BRI3BP: variants seen among roughly 807,000 people sequenced by gnomAD.
The protein encoded by BRI3BP is BRI3 binding protein.
A neutral mutation model predicts 15.8 loss-of-function variants in BRI3BP; 7 were observed. The ratio of observed to expected loss-of-function variants is 0.44; its 90% CI spans 0.25 to 0.83. The LOEUF (loss-of-function observed/expected upper bound fraction) is 0.83, where lower values mean the gene tolerates loss of function less well. Among genes scored for constraint, BRI3BP ranks in the 40% least tolerant of loss-of-function variants. The pLI, the probability that BRI3BP is intolerant of heterozygous loss-of-function variation, is 0.20. For missense variants in BRI3BP, 320 were observed against 339.3 expected (o/e 0.94, Z 0.45); for synonymous variants, 192 against 163.5 (o/e 1.17, Z -1.33).
chr12:125,023,380 C>G (rs1955317725), intron 2 of BRI3BP, among the ~76,000 whole-genome samples: 1 of 152,108 alleles, frequency 6.6e-6, no homozygotes, highest in Non-Finnish European at 1.5e-5. Context: ...ATTCCTGCTA[C>G]TTTTAGGGAA....
At chr12:125,008,817 G>A (rs189317429) in intron 1 of BRI3BP, among the ~76,000 whole-genome samples, 116 of 152,226 alleles carry the variant, frequency 7.6e-4, no homozygotes, top group Non-Finnish European at 1.2e-3. Flanking sequence ...TGTAGAATCA[G>A]TGGGAGCACT....
intron 2 of BRI3BP, among the ~76,000 whole-genome samples, chr12:125,013,160 T>G (rs1955211347): frequency 7.2e-6 from 1 of 138,062 alleles, no homozygotes; most frequent in Non-Finnish European, 1.6e-5. Flanking sequence ...AAGGTGCGAC[T>G]GGGTAGTGGG....
Position 124,993,884 on chromosome 12 carries a change from G to T in BRI3BP, c.94G>T (p.Ala32Ser). The change falls in exon 1 of 3, where the codon GCG becomes TCG. Residue 32 changes from alanine (A) to serine (S), a missense_variant. Coordinates refer to ENST00000341446, the MANE Select transcript of BRI3BP (RefSeq NM_080626.6). ...GCTGCTCGGGCTGCTGGCCCCGGGC[G>T]CGCAGGGGGCGCGGGGCCGCGGCGG... Reference protein sequence around the residue: ...LLLLGLLAPGAQGARGRGGAE... With the variant: ...LLLLGLLAPGSQGARGRGGAE... 8.0e-7 allele frequency: 1 copy of T among 1,242,714 alleles called. No homozygotes were observed. Among genetic ancestry groups the T allele is most frequent in the Non-Finnish European group, 1.0e-6 (1 of 987,122 alleles). 77.0% of individuals were successfully genotyped at this position (1,242,714 alleles called of 1,614,324 possible). A position where few individuals can be genotyped will look rare whatever the true frequency, so the allele number is the denominator to read the frequency against.
At chr12:125,041,493 G>A in the BRI3BP span, among the ~76,000 whole-genome samples, 1 of 152,058 alleles carries the variant, frequency 6.6e-6, no homozygotes, top group Non-Finnish European at 1.5e-5. Context: ...GGGGTCCTCA[G>A]TAAGTTTCAG....
At chr12:125,043,284 C>G in the BRI3BP span, among the ~76,000 whole-genome samples, 1 of 152,126 alleles carries the variant, frequency 6.6e-6, no homozygotes, top group Non-Finnish European at 1.5e-5. Flanking sequence ...AGCGTGCAGG[C>G]TCATGTAGTG....
At chr12:125,012,213 T>C (rs10846806) in intron 1 of BRI3BP, among the ~76,000 whole-genome samples, 21,060 of 151,976 alleles carry the variant, frequency 0.14, 1,562 homozygotes, top group Admixed American at 0.16. Context: ...AAGGCAGAGA[T>C]CCTGACCCAA....
chr12:125,045,107 A>C, the BRI3BP span, among the ~76,000 whole-genome samples: 1 of 152,164 alleles, frequency 6.6e-6, no homozygotes, highest in African/African-American at 2.4e-5. Flanking sequence ...ATATTGATTA[A>C]ATCATAAAAC....
chr12:125,031,403 G>A (rs1318499594), downstream of BRI3BP, among the ~76,000 whole-genome samples: 1 of 151,990 alleles, frequency 6.6e-6, no homozygotes, highest in Non-Finnish European at 1.5e-5. Context: ...AACCAGTAGT[G>A]TTTTAGTATA....
Position 124,993,989 on chromosome 12 carries a change from C to T in BRI3BP, c.199C>T (p.Arg67Cys). 1.5e-6 allele frequency: 2 copies of T among 1,350,288 alleles called. No homozygotes were observed. Among genetic ancestry groups the T allele is most frequent in the Non-Finnish European group, 1.9e-6 (2 of 1,035,638 alleles). The allele number at this position is 1,350,288 out of a possible 1,614,324, so 83.6% of individuals were successfully genotyped here. A position where few individuals can be genotyped will look rare whatever the true frequency, so the allele number is the denominator to read the frequency against. The change falls in exon 1 of 3, where the codon CGC (arginine) becomes TGC (cysteine). Residue 67 changes from arginine (R) to cysteine (C), a missense_variant. Arg to Cys is a radical substitution (Grantham distance 180, BLOSUM62 -3). Transcript: ENST00000341446. ...CAGCCTGTTCGGCGAGGACAACGTG[C>T]GCGCCGCTCAGAAGGTGGGCGCCGG... ...VSSLFGEDNV[R>C]AAQKFLARLT...
At chr12:125,037,863 C>A in the BRI3BP span, among the ~76,000 whole-genome samples, 2 of 151,356 alleles carry the variant, frequency 1.3e-5, no homozygotes, top group African/African-American at 4.9e-5. Flanking sequence ...CATGTATACA[C>A]GTGTGTTGAG....
At chr12:125,005,688 T>C (rs1019700311) in intron 1 of BRI3BP, among the ~76,000 whole-genome samples, 1 of 151,970 alleles carries the variant, frequency 6.6e-6, no homozygotes, top group African/African-American at 2.4e-5. Context: ...TGAGAATTGC[T>C]TGAACCCGTG....
At chr12:125,011,596 G>A (rs1395199558) in intron 1 of BRI3BP, among the ~76,000 whole-genome samples, 4 of 152,154 alleles carry the variant, frequency 2.6e-5, no homozygotes, top group Admixed American at 1.3e-4. Flanking sequence ...CACCTGGCAC[G>A]TCTAAGGAAG....
chr12:125,007,856 G>C (rs1324514770), intron 1 of BRI3BP, among the ~76,000 whole-genome samples: 1 of 152,172 alleles, frequency 6.6e-6, no homozygotes, highest in East Asian at 1.9e-4. Context: ...TCTGTGAGCA[G>C]ATCATGTCTT....
the BRI3BP span, among the ~76,000 whole-genome samples, chr12:125,041,876 T>C: frequency 6.6e-6 from 1 of 152,338 alleles, no homozygotes; most frequent in African/African-American, 2.4e-5. Context: ...AACTTTTTTG[T>C]AGAGATGGGG....
rs1457146932 is a variant in BRI3BP at position 125,030,560 on chromosome 12, CTT to C, written c.*5131_*5132del. ...GAGGTGCACCAGTACCAGTTTTTCT[CTT>C]GTGGTGGCTTAAAACGCTGATTGCC... On this transcript the variant is annotated 3_prime_UTR_variant, in exon 3 of 3. Coordinates refer to ENST00000341446, the MANE Select transcript of BRI3BP (RefSeq NM_080626.6). 1 of 152,184 alleles carries C rather than the reference CTT, an allele frequency of 6.6e-6. No homozygotes were observed. Among genetic ancestry groups the C allele is most frequent in the Non-Finnish European group, 1.5e-5 (1 of 68,030 alleles). The allele number at this position is 152,184 out of a possible 1,614,324, so 9.4% of individuals were successfully genotyped here.
intron 1 of BRI3BP, among the ~76,000 whole-genome samples, chr12:125,009,537 G>A (rs1159037776): frequency 3.3e-5 from 5 of 151,936 alleles, no homozygotes; most frequent in Non-Finnish European, 7.4e-5. Context: ...TGATCTACTC[G>A]CCTCGGCTTC....
At chr12:125,009,657 G>A (rs186969101) in intron 1 of BRI3BP, among the ~76,000 whole-genome samples, 1 of 151,368 alleles carries the variant, frequency 6.6e-6, no homozygotes, top group Admixed American at 6.6e-5. Flanking sequence ...GGCTGGTCTC[G>A]AACTCCTGGG....
At chr12:125,023,890 G>T (rs1955322615) in intron 2 of BRI3BP, among the ~76,000 whole-genome samples, 2 of 152,144 alleles carry the variant, frequency 1.3e-5, no homozygotes, top group African/African-American at 4.8e-5. Flanking sequence ...GGCCAACATG[G>T]TGAAACCTCA....
intron 2 of BRI3BP, 102 bp from the exon 3 acceptor site, chr12:125,024,889 G>C: frequency 9.9e-7 from 1 of 1,007,464 alleles, no homozygotes; most frequent in Admixed American, 2.7e-5. Context: ...TGTTGCAAAG[G>C]CCTTTTAAGC....
Sources: gnomAD v4.1 joint callset for allele counts (sites outside exome capture counted in the v4.1 genomes callset) on GRCh38, gnomAD v4.1.1 for gene constraint, MANE v1.5 for transcripts, NCBI Gene and HGNC (gene_info 2026-07-23, HGNC 2026-07-21) for gene names.